SYNPO2: variants seen among roughly 807,000 people sequenced by gnomAD.
SYNPO2 encodes synaptopodin-2.
SYNPO2 carries 56 observed loss-of-function variants against 85.0 expected under a neutral mutation model. The ratio of observed to expected loss-of-function variants is 0.66; its 90% CI spans 0.53 to 0.82. SYNPO2 has a LOEUF of 0.82. Among genes scored for constraint, SYNPO2 ranks in the 40% least tolerant of loss-of-function variants. SYNPO2 has a pLI of 0.00. For missense variants in SYNPO2, 1,575 were observed against 1,534.2 expected, an observed-to-expected ratio of 1.03 and a Z score of -0.44; for synonymous variants, 602 against 591.1, an observed-to-expected ratio of 1.02 and a Z score of -0.27.
chr4:119,033,372 A>T, intron 4 of SYNPO2: 2 of 985,400 alleles, frequency 2.0e-6, no homozygotes, highest in Non-Finnish European at 2.4e-6. Flanking sequence ...GTTACCTTGT[A>T]AACTTTAATT....
intron 1 of SYNPO2, among the ~76,000 whole-genome samples, chr4:118,983,000 T>C (rs1736088238): frequency 6.6e-6 from 1 of 152,144 alleles, no homozygotes; most frequent in Non-Finnish European, 1.5e-5. Flanking sequence ...CGTCAGTGAC[T>C]CTTGAAAATT....
intron 1 of SYNPO2, among the ~76,000 whole-genome samples, chr4:118,879,645 G>C (rs147172989): frequency 3.9e-5 from 6 of 152,282 alleles, no homozygotes; most frequent in African/African-American, 1.2e-4. Context: ...ATCGCCCAGC[G>C]TATGATACTG....
chr4:119,042,757 G>C (rs142485390), intron 4 of SYNPO2: 1 of 152,210 alleles, frequency 6.6e-6, no homozygotes, highest in Non-Finnish European at 1.5e-5. Flanking sequence ...TTACAAGAGT[G>C]TACGGAACAA....
intron 1 of SYNPO2, among the ~76,000 whole-genome samples, chr4:118,941,648 A>G (rs972342600): frequency 6.6e-6 from 1 of 152,182 alleles, no homozygotes; most frequent in African/African-American, 2.4e-5. Flanking sequence ...TGACTGGGAT[A>G]GGGTCCCCTT....
intron 1 of SYNPO2, among the ~76,000 whole-genome samples, chr4:118,932,602 A>T (rs1191425960): frequency 6.6e-6 from 1 of 152,212 alleles, no homozygotes; most frequent in Non-Finnish European, 1.5e-5. Context: ...CCTTCATAGA[A>T]ACTGAGCACA....
At chr4:118,916,705 C>CCT (rs1420627352) in intron 1 of SYNPO2, among the ~76,000 whole-genome samples, 1 of 147,078 alleles carries the variant, frequency 6.8e-6, no homozygotes, top group Non-Finnish European at 1.5e-5. Context: ...TTTTCTTCTT[C>CCT]CTCTTCCTCT....
At chr4:119,034,502 G>C (rs3733512) in intron 4 of SYNPO2, 289,365 of 984,528 alleles carry the variant, frequency 0.29, 42,697 homozygotes, top group Non-Finnish European at 0.3. Context: ...GGTCATCCTA[G>C]GACTATTTGG....
intron 3 of SYNPO2, among the ~76,000 whole-genome samples, chr4:119,029,230 T>C (rs1398230086): frequency 2.6e-5 from 4 of 152,148 alleles, no homozygotes; most frequent in African/African-American, 9.6e-5. Flanking sequence ...AATGATTAAT[T>C]CAGTGTTTTG....
At position 119,047,310 on chromosome 4, in the gene SYNPO2, C is replaced by T. The variant is rs143290968; in HGVS notation, c.3253-10091C>T. ...CCTTACCTCAGATGATCCACCCACT[C>T]GACTTCCCAAAGTGCTGGGATTACA... is the stretch of plus-strand genomic sequence containing the variant. On this transcript the variant is annotated intron_variant, in intron 4 of 4. Coordinates refer to ENST00000307142, the MANE Select transcript of SYNPO2 (RefSeq NM_133477.3). Among the ~76,000 whole-genome samples, 16 of 152,294 alleles carry T rather than the reference C, an allele frequency of 1.1e-4. No individual in the cohort carries two copies. In the South Asian group the frequency reaches 2.1e-3, roughly 20 times the overall value.
intron 1 of SYNPO2, among the ~76,000 whole-genome samples, chr4:118,900,687 CTCTCTCTCTCTCTCTCTATATATATA>C (rs1183397985): frequency 3.5e-4 from 16 of 46,136 alleles, no homozygotes; most frequent in Non-Finnish European, 7.5e-4. Flanking sequence ...CTCTCTCTCT[CTCTCTCTCTCTCTCTCTATATATATA>C]TATATATATA....
chr4:119,055,637 T>A (rs373835247), intron 4 of SYNPO2, among the ~76,000 whole-genome samples: 3 of 152,206 alleles, frequency 2.0e-5, no homozygotes, highest in East Asian at 3.8e-4. Flanking sequence ...AATGAACACA[T>A]ACATAATGTG....
At chr4:119,016,118 C>T (rs1737516493) in intron 1 of SYNPO2, among the ~76,000 whole-genome samples, 1 of 152,166 alleles carries the variant, frequency 6.6e-6, no homozygotes, top group Non-Finnish European at 1.5e-5. Context: ...ATTCAAAAGA[C>T]TGTTGAGAGC....
At position 119,058,035 on chromosome 4, in the gene SYNPO2, C is replaced by A; in HGVS notation, c.*101C>A. ...TAATAGATTTAGATTCACTTTTGGTCTTGGCTTGTTCTCATAAGTCATTTA... is the reference window on the plus strand; with the variant it reads ...TAATAGATTTAGATTCACTTTTGGTATTGGCTTGTTCTCATAAGTCATTTA... On this transcript the variant is annotated 3_prime_UTR_variant, in exon 5 of 5. Transcript: ENST00000307142. The A allele has an allele frequency of 7.5e-7, 1 of 1,331,332 alleles. No individual in the cohort carries two copies. Among genetic ancestry groups the A allele is most frequent in the South Asian group, 1.5e-5 (1 of 65,538 alleles). The allele number at this position is 1,331,332 out of a possible 1,614,324, so 82.5% of individuals were successfully genotyped here. A position where few individuals can be genotyped will look rare whatever the true frequency, so the allele number is the denominator to read the frequency against.
chr4:119,007,246 GTATATACATATATATATATATA>G (rs1737086742), intron 1 of SYNPO2, among the ~76,000 whole-genome samples: 2 of 30,872 alleles, frequency 6.5e-5, no homozygotes, highest in Non-Finnish European at 1.2e-4. Context: ...ATATATATAT[GTATATACATATATATATATATA>G]TATATATGTA....
At chr4:118,961,099 G>GCCTCCCCCC (rs1735065230) in intron 1 of SYNPO2, among the ~76,000 whole-genome samples, 1 of 94,618 alleles carries the variant, frequency 1.1e-5, no homozygotes, top group Non-Finnish European at 2.0e-5. Flanking sequence ...CTATTTTACC[G>GCCTCCCCCC]CCCCCCCCCC....
intron 1 of SYNPO2, among the ~76,000 whole-genome samples, chr4:119,012,393 T>TTTTTTA (rs1553946399): frequency 3.8e-5 from 5 of 130,818 alleles, no homozygotes; most frequent in African/African-American, 8.3e-5. Flanking sequence ...TTTTTTTTTT[T>TTTTTTA]ATTTTACTTT....
At chr4:118,869,396 A>C (rs1005165278) in intron 1 of SYNPO2, among the ~76,000 whole-genome samples, 1 of 152,110 alleles carries the variant, frequency 6.6e-6, no homozygotes, top group Non-Finnish European at 1.5e-5. Flanking sequence ...TTTTTTTGTC[A>C]CTCTACTTGT....
chr4:119,058,727 C>G lies in SYNPO2; in HGVS notation c.*793C>G, dbSNP rs1578683938. 1 of 152,094 alleles carries G rather than the reference C, an allele frequency of 6.6e-6. No homozygotes were observed. Among genetic ancestry groups the G allele is most frequent in the Non-Finnish European group, 1.5e-5 (1 of 68,034 alleles). 9.4% of individuals were successfully genotyped at this position (152,094 alleles called of 1,614,324 possible). A position where few individuals can be genotyped will look rare whatever the true frequency, so the allele number is the denominator to read the frequency against. On this transcript the variant is annotated 3_prime_UTR_variant, in exon 5 of 5. Transcript: ENST00000307142. ...TGACCTCGTGATCTGCCCGCCTCAG[C>G]CTCCCAAAGTGCTGGGATTACAGGC...
chr4:118,998,451 A>G (rs1481941653), intron 1 of SYNPO2, among the ~76,000 whole-genome samples: 2 of 152,214 alleles, frequency 1.3e-5, no homozygotes, highest in Non-Finnish European at 2.9e-5. Context: ...GAAAACTTTA[A>G]AAAATTGTAA....
Sources: gnomAD v4.1 joint callset for allele counts (sites outside exome capture counted in the v4.1 genomes callset) on GRCh38, gnomAD v4.1.1 for gene constraint, MANE v1.5 for transcripts, NCBI Gene and HGNC (gene_info 2026-07-23, HGNC 2026-07-21) for gene names.